CADM2: variants seen among roughly 807,000 people sequenced by gnomAD.
CADM2 encodes cell adhesion molecule 2.
In CADM2, 12 loss-of-function variants were observed where a neutral mutation model predicts 49.8. The ratio of observed to expected loss-of-function variants is 0.24; its 90% CI spans 0.15 to 0.39. The LOEUF (loss-of-function observed/expected upper bound fraction) is 0.39, where lower values mean the gene tolerates loss of function less well. Ranked by LOEUF, CADM2 falls within the 10% of genes least tolerant of loss-of-function variation. CADM2 has a pLI of 1.00. For synonymous variants in CADM2, 214 were observed against 175.4 expected (o/e 1.22, Z -1.74); for missense variants, 378 against 492.3 (o/e 0.77, Z 2.20).
chr3:85,739,335 TGTC>T (rs2068282888), intron 2 of CADM2, among the ~76,000 whole-genome samples: 1 of 152,124 alleles, frequency 6.6e-6, no homozygotes, highest in Non-Finnish European at 1.5e-5. Context: ...AAGTTTTAGA[TGTC>T]AATTATCTTT....
chr3:85,211,355 G>A (rs1428229763), intron 1 of CADM2, among the ~76,000 whole-genome samples: 1 of 151,584 alleles, frequency 6.6e-6, no homozygotes, highest in Non-Finnish European at 1.5e-5. Flanking sequence ...GTTTGTTTTT[G>A]CTTTTTGGGT....
chr3:85,549,209 G>A (rs2107102596), intron 1 of CADM2, among the ~76,000 whole-genome samples: 1 of 152,230 alleles, frequency 6.6e-6, no homozygotes, highest in South Asian at 2.1e-4. Flanking sequence ...AATCAAATTA[G>A]CCAGGAAACA....
intron 7 of CADM2, among the ~76,000 whole-genome samples, chr3:85,944,013 G>A (rs939269618): frequency 1.3e-5 from 2 of 152,008 alleles, no homozygotes; most frequent in Admixed American, 6.6e-5. Flanking sequence ...TCAGTGTGCT[G>A]TATTCAGGAA....
At chr3:85,430,651 A>C (rs373549984) in intron 1 of CADM2, among the ~76,000 whole-genome samples, 39 of 149,616 alleles carry the variant, frequency 2.6e-4, no homozygotes, top group African/African-American at 9.1e-4. Flanking sequence ...AGAGGAGAAA[A>C]ACAGAAAGAG....
At chr3:85,337,497 G>C (rs1016299779) in intron 1 of CADM2, among the ~76,000 whole-genome samples, 1 of 151,162 alleles carries the variant, frequency 6.6e-6, no homozygotes, top group Non-Finnish European at 1.5e-5. Flanking sequence ...ACAGACTGAA[G>C]GGCATAACTT....
intron 2 of CADM2, among the ~76,000 whole-genome samples, chr3:85,767,464 GAAGAAATT>G (rs1228696576): frequency 6.6e-6 from 1 of 152,056 alleles, no homozygotes; most frequent in African/African-American, 2.4e-5. Flanking sequence ...TTATTGATAA[GAAGAAATT>G]AAATTTGCAG....
At chr3:85,446,900 C>G (rs1255731680) in intron 1 of CADM2, among the ~76,000 whole-genome samples, 2 of 147,536 alleles carry the variant, frequency 1.4e-5, no homozygotes, top group Non-Finnish European at 3.0e-5. Context: ...CTGCACCTGG[C>G]CATGAACGAT....
chr3:85,133,560 C>G (rs991936514), intron 1 of CADM2, among the ~76,000 whole-genome samples: 1 of 142,818 alleles, frequency 7.0e-6, no homozygotes, highest in Non-Finnish European at 1.5e-5. Flanking sequence ...AGAGTGCCCA[C>G]TGGTGTATTT....
At chr3:85,851,139 T>C (rs1481409411) in intron 3 of CADM2, among the ~76,000 whole-genome samples, 1 of 152,174 alleles carries the variant, frequency 6.6e-6, no homozygotes, top group East Asian at 1.9e-4. Flanking sequence ...AACATTTTAA[T>C]TGTGTAGTTT....
At chr3:85,254,793 A>G (rs576833755) in intron 1 of CADM2, among the ~76,000 whole-genome samples, 1 of 152,078 alleles carries the variant, frequency 6.6e-6, no homozygotes, top group Non-Finnish European at 1.5e-5. Context: ...GCTGTATGGC[A>G]GGAGCTCTAC....
At chr3:85,108,123 A>T (rs1216497656) in intron 1 of CADM2, among the ~76,000 whole-genome samples, 1 of 152,178 alleles carries the variant, frequency 6.6e-6, no homozygotes, top group Non-Finnish European at 1.5e-5. Flanking sequence ...TTGTACTGTC[A>T]TGTTTCTAGT....
At chr3:85,410,641 G>A (rs1317228010) in intron 1 of CADM2, among the ~76,000 whole-genome samples, 3 of 152,108 alleles carry the variant, frequency 2.0e-5, no homozygotes. Context: ...CAGTTAAAAA[G>A]AGTTAAACTC....
At chr3:85,523,776 A>G (rs1178957451) in intron 1 of CADM2, among the ~76,000 whole-genome samples, 1 of 152,110 alleles carries the variant, frequency 6.6e-6, no homozygotes, top group Non-Finnish European at 1.5e-5. Flanking sequence ...TTATTAAAGT[A>G]TAGAACAATA....
At chr3:85,934,079 C>T (rs543474151) in intron 6 of CADM2, among the ~76,000 whole-genome samples, 4 of 152,094 alleles carry the variant, frequency 2.6e-5, no homozygotes, top group Non-Finnish European at 5.9e-5. Flanking sequence ...CACAGACACC[C>T]ATGTTAACAT....
At chr3:85,850,469 C>T (rs753559514) in intron 3 of CADM2, among the ~76,000 whole-genome samples, 5 of 151,814 alleles carry the variant, frequency 3.3e-5, no homozygotes, top group Non-Finnish European at 5.9e-5. Context: ...GGACTACAGG[C>T]GCCCGCCACC....
intron 1 of CADM2, among the ~76,000 whole-genome samples, chr3:85,408,387 C>A (rs1169046108): frequency 1.3e-5 from 2 of 152,154 alleles, no homozygotes; most frequent in Non-Finnish European, 1.5e-5. Flanking sequence ...GATGACTAGT[C>A]TAATTCTGGA....
intron 1 of CADM2, among the ~76,000 whole-genome samples, chr3:85,466,588 A>G (rs2038501919): frequency 6.6e-6 from 1 of 152,186 alleles, no homozygotes; most frequent in Admixed American, 6.5e-5. Context: ...TTTCAATCTC[A>G]ATATAAAACA....
At chr3:85,219,912 A>C (rs2042009622) in intron 1 of CADM2, among the ~76,000 whole-genome samples, 2 of 152,104 alleles carry the variant, frequency 1.3e-5, no homozygotes, top group East Asian at 1.9e-4. Context: ...TGAAATCTTA[A>C]ATTTATTTTA....
intron 5 of CADM2, among the ~76,000 whole-genome samples, chr3:85,909,464 A>G (rs1717270590): frequency 6.6e-6 from 1 of 151,678 alleles, no homozygotes; most frequent in South Asian, 2.1e-4. Context: ...AAAAAATAAC[A>G]AGAGAGAGAA....
Sources: gnomAD v4.1 joint callset for allele counts (sites outside exome capture counted in the v4.1 genomes callset) on GRCh38, gnomAD v4.1.1 for gene constraint, MANE v1.5 for transcripts, NCBI Gene and HGNC (gene_info 2026-07-23, HGNC 2026-07-21) for gene names.